The following DLGAP1 variants were observed in gnomAD, a reference collection of about 807,000 sequenced individuals.
The protein encoded by DLGAP1 is DLG associated protein 1.
A neutral mutation model predicts 90.8 loss-of-function variants in DLGAP1; 11 were observed. That is an observed-to-expected ratio of 0.12 (90% CI 0.08 to 0.20). The LOEUF is 0.20. Among genes scored for constraint, DLGAP1 ranks in the 10% least tolerant of loss-of-function variants. The probability of loss-of-function intolerance (pLI) is 1.00; values close to 1 mark genes in which losing one functional copy is unlikely to be tolerated. For synonymous variants in DLGAP1, 558 were observed against 540.7 expected, an observed-to-expected ratio of 1.03 and a Z score of -0.44; for missense variants, 1,050 against 1,333.8, an observed-to-expected ratio of 0.79 and a Z score of 3.31.
chr18:4,344,559 C>T (rs773093353), intron 1 of DLGAP1, among the ~76,000 whole-genome samples: 2 of 152,118 alleles, frequency 1.3e-5, no homozygotes, highest in African/African-American at 2.4e-5. Flanking sequence ...AAAAGTATTA[C>T]GGTCAAGGTC....
chr18:4,229,791 A>T (rs2078263223), intron 1 of DLGAP1, among the ~76,000 whole-genome samples: 1 of 152,126 alleles, frequency 6.6e-6, no homozygotes, highest in Admixed American at 6.6e-5. Flanking sequence ...CAAAGTGGAC[A>T]GATGGGATTA....
chr18:4,017,498 A>G (rs1173303071), intron 2 of DLGAP1, among the ~76,000 whole-genome samples: 1 of 152,218 alleles, frequency 6.6e-6, no homozygotes, highest in Non-Finnish European at 1.5e-5. Context: ...AAGGTATTGG[A>G]TTTTTACTCA....
intron 4 of DLGAP1, among the ~76,000 whole-genome samples, chr18:3,849,187 C>T (rs1235738739): frequency 6.6e-6 from 1 of 152,180 alleles, no homozygotes; most frequent in African/African-American, 2.4e-5. Flanking sequence ...TGCTGAACAT[C>T]TCAAGTCAAT....
At chr18:3,917,315 A>AT (rs2072166931) in intron 3 of DLGAP1, among the ~76,000 whole-genome samples, 1 of 152,330 alleles carries the variant, frequency 6.6e-6, no homozygotes, top group African/African-American at 2.4e-5. Context: ...AGGGATTTGC[A>AT]TTAGGGGCTG....
At chr18:3,674,205 C>G (rs538010224) in intron 7 of DLGAP1, among the ~76,000 whole-genome samples, 1 of 151,574 alleles carries the variant, frequency 6.6e-6, no homozygotes, top group East Asian at 1.9e-4. Context: ...AATCCCAGCA[C>G]TTTGGGAAGC....
chr18:4,302,161 A>G (rs2080141080), intron 1 of DLGAP1, among the ~76,000 whole-genome samples: 1 of 152,102 alleles, frequency 6.6e-6, no homozygotes, highest in Non-Finnish European at 1.5e-5. Flanking sequence ...CCATTTCTCT[A>G]CTTTTTTGCT....
chr18:3,679,273 T>C (rs35370721), intron 7 of DLGAP1, among the ~76,000 whole-genome samples: 23,753 of 151,088 alleles, frequency 0.16, 2,281 homozygotes, highest in East Asian at 0.42. Flanking sequence ...TTATAATTAT[T>C]CCTTAATTCT....
At chr18:4,078,975 A>G (rs2075564398) in intron 2 of DLGAP1, among the ~76,000 whole-genome samples, 1 of 152,172 alleles carries the variant, frequency 6.6e-6, no homozygotes, top group South Asian at 2.1e-4. Context: ...TTTTACAAAT[A>G]GATACTCTTG....
chr18:3,930,498 C>T (rs1312053458), intron 3 of DLGAP1, among the ~76,000 whole-genome samples: 1 of 152,138 alleles, frequency 6.6e-6, no homozygotes, highest in Non-Finnish European at 1.5e-5. Flanking sequence ...GTGTAGGCTG[C>T]CCCTGAGATT....
intron 3 of DLGAP1, among the ~76,000 whole-genome samples, chr18:3,902,584 C>T (rs2071807809): frequency 6.6e-6 from 1 of 152,146 alleles, no homozygotes; most frequent in Non-Finnish European, 1.5e-5. Context: ...TATTACTGTA[C>T]TTGTCTCATA....
At chr18:4,418,130 A>G (rs2082944641) in intron 1 of DLGAP1, among the ~76,000 whole-genome samples, 1 of 152,176 alleles carries the variant, frequency 6.6e-6, no homozygotes, top group African/African-American at 2.4e-5. Flanking sequence ...AATAACAATT[A>G]TAACACACTT....
At chr18:3,533,092 G>A (rs2052117797) in intron 10 of DLGAP1, among the ~76,000 whole-genome samples, 1 of 152,024 alleles carries the variant, frequency 6.6e-6, no homozygotes, top group East Asian at 1.9e-4. Context: ...AGTAGTTTGA[G>A]ACCAGCCTGG....
At chr18:3,870,762 C>T (rs2070703383) in intron 4 of DLGAP1, among the ~76,000 whole-genome samples, 1 of 152,100 alleles carries the variant, frequency 6.6e-6, no homozygotes, top group Non-Finnish European at 1.5e-5. Flanking sequence ...TGGAAGGATG[C>T]ATGCTGTCTT....
intron 4 of DLGAP1, among the ~76,000 whole-genome samples, chr18:3,872,072 A>T (rs939506284): frequency 2.0e-5 from 3 of 152,134 alleles, no homozygotes; most frequent in Non-Finnish European, 4.4e-5. Flanking sequence ...TCATTGTATA[A>T]ATATATCTTA....
intron 7 of DLGAP1, among the ~76,000 whole-genome samples, chr18:3,682,966 C>T (rs1162885077): frequency 1.3e-5 from 2 of 151,850 alleles, no homozygotes; most frequent in African/African-American, 2.4e-5. Context: ...AAGCAATTCT[C>T]CTGTCTCAGC....
At chr18:4,193,173 A>G (rs768305514) in intron 1 of DLGAP1, among the ~76,000 whole-genome samples, 2 of 152,206 alleles carry the variant, frequency 1.3e-5, no homozygotes, top group Non-Finnish European at 2.9e-5. Context: ...TGCTAGGACA[A>G]TAAGTCTTCT....
chr18:3,867,350 C>T (rs2070460671), intron 4 of DLGAP1, among the ~76,000 whole-genome samples: 2 of 152,058 alleles, frequency 1.3e-5, no homozygotes, highest in Admixed American at 1.3e-4. Context: ...ACTAGGATTC[C>T]CTTCCAAATT....
rs144164143 is a variant in DLGAP1 at position 3,653,736 on chromosome 18, G to A, written c.1592-71488C>T. 6.6e-6 allele frequency: 1 copy of A among 152,268 alleles called. No individual in the cohort carries two copies. The highest frequency in any genetic ancestry group is 6.5e-5 in the Admixed American group (1 of 15,282). The allele number at this position is 152,268 out of a possible 1,614,324, so 9.4% of individuals were successfully genotyped here. On this transcript the variant is annotated intron_variant, in intron 7 of 12. Transcript: ENST00000315677. This position sits in a 1 kb window ranked among gnomAD's most constrained non-coding sequence, Gnocchi z 4.6. The stretch of plus-strand genomic sequence containing the variant: ...TATTAATACTAGTTTCAGAGCTCTA[G>A]GATAATATAGAGCAGAGTCTCTTTT...
At chr18:3,888,919 G>A (rs562457795) in intron 3 of DLGAP1, among the ~76,000 whole-genome samples, 2 of 152,282 alleles carry the variant, frequency 1.3e-5, no homozygotes, top group Admixed American at 1.3e-4. Flanking sequence ...GGATTTTCAG[G>A]AGAGGGTTGG....
Sources: allele counts gnomAD v4.1 joint callset (sites outside exome capture counted in the v4.1 genomes callset), GRCh38; gene constraint gnomAD v4.1.1; non-coding constraint Gnocchi (gnomAD v3.1); transcripts MANE v1.5; gene names NCBI Gene and HGNC (gene_info 2026-07-23, HGNC 2026-07-21).